TLE6: variants seen among roughly 807,000 people sequenced by gnomAD.
TLE6 encodes TLE family member 6, subcortical maternal complex member, also known as transducin-like enhancer protein 6.
A neutral mutation model predicts 77.1 loss-of-function variants in TLE6; 72 were observed. That is an observed-to-expected ratio of 0.93 (90% CI 0.77 to 1.14). The LOEUF is 1.14. Among genes scored for constraint, TLE6 ranks in the 50% most tolerant of loss-of-function variants. TLE6 has a pLI of 0.00. For missense variants in TLE6, 843 were observed against 747.6 expected, an observed-to-expected ratio of 1.13 and a Z score of -1.49; for synonymous variants, 366 against 287.3, an observed-to-expected ratio of 1.27 and a Z score of -2.77.
chr19:2,986,798 T>C (rs376586795), intron 5 of TLE6, 31 bp from the exon 6 acceptor site: 4 of 1,549,834 alleles, frequency 2.6e-6, no homozygotes, highest in Non-Finnish European at 3.5e-6. Context: ...TGCAACAACA[T>C]TTAACTGTTT....
intron 4 of TLE6, among the ~76,000 whole-genome samples, chr19:2,981,855 C>A (rs1012952844): frequency 2.0e-5 from 3 of 151,918 alleles, no homozygotes; most frequent in Admixed American, 6.6e-5. Context: ...GCCTGTACTC[C>A]CAGCTACTCG....
In TLE6 at chr19:2,990,226, A is replaced by T. The variant is rs550257743; in HGVS notation, c.1244+441A>T. ...TTAACCTGGGTAATGAATAAAACGAATTTATTCTATTTTTATTAAATAGAA... is the reference window on the plus strand; with the variant it reads ...TTAACCTGGGTAATGAATAAAACGATTTTATTCTATTTTTATTAAATAGAA... On this transcript the variant is annotated intron_variant, in intron 13 of 16. Coordinates refer to ENST00000246112, the MANE Select transcript of TLE6 (RefSeq NM_001143986.2). Among the ~76,000 whole-genome samples, 21 of 152,184 alleles carry T rather than the reference A, an allele frequency of 1.4e-4. No homozygotes were observed. The South Asian group carries it at 2.3e-3, about 17-fold the overall frequency.
Position 2,993,996 on chromosome 19 carries a change from C to A in TLE6, c.1538-23C>A. On this transcript the variant is annotated intron_variant, in intron 15 of 16. Coordinates refer to ENST00000246112, the MANE Select transcript of TLE6 (RefSeq NM_001143986.2). ...GGAAAAAGGTAGTGGTTCTAAGTCT[C>A]GCTGATGCTCCATTTCTCCCAGGCC... is the stretch of plus-strand genomic sequence containing the variant. The A allele has an allele frequency of 1.9e-6, 3 of 1,586,408 alleles. No individual in the cohort carries two copies. In the East Asian group the frequency reaches 6.8e-5, roughly 36 times the overall value.
chr19:2,987,487 C>T, intron 8 of TLE6, 115 bp downstream of exon 8: 7 of 1,481,162 alleles, frequency 4.7e-6, no homozygotes, highest in Non-Finnish European at 5.6e-6. Context: ...CCATCCTGCC[C>T]CTCGGGTCCC....
At position 2,987,105 on chromosome 19, in the gene TLE6, G is replaced by A. The variant is rs368460177; in HGVS notation, c.408G>A (p.Leu136=). 2.5e-5 allele frequency: 40 copies of A among 1,614,000 alleles called. No homozygotes were observed. Among genetic ancestry groups the A allele is most frequent in the African/African-American group, 9.3e-5 (7 of 74,942 alleles). The change falls in exon 7 of 17, where the codon TTG becomes TTA. Residue 136 remains leucine (L), a synonymous_variant. Transcript: ENST00000246112. The part of the protein sequence containing the change: ...TRSSDWLRRP[L]GEDNQPETQL... ...CCTCCGACTGGCTCCGGCGGCCTTTGGGGGAGGACAATCAGCCGGAGACCC... is the reference window on the plus strand; with the variant it reads ...CCTCCGACTGGCTCCGGCGGCCTTTAGGGGAGGACAATCAGCCGGAGACCC...
chr19:2,977,730 G>A (rs1384872658), intron 1 of TLE6, 120 bp downstream of exon 1: 1 of 155,474 alleles, frequency 6.4e-6, no homozygotes, highest in Non-Finnish European at 1.4e-5. Flanking sequence ...GAAGCTGGGT[G>A]CTGCAGCAGG....
chr19:2,988,397 A>C (rs958423578), intron 11 of TLE6, among the ~76,000 whole-genome samples: 3 of 151,996 alleles, frequency 2.0e-5, no homozygotes, highest in Admixed American at 6.6e-5. Flanking sequence ...GAGATTGAGA[A>C]CATCCTGGGT....
chr19:2,979,859 G>A (rs1167874910), intron 2 of TLE6, among the ~76,000 whole-genome samples: 4 of 151,582 alleles, frequency 2.6e-5, no homozygotes, highest in Non-Finnish European at 5.9e-5. Context: ...AGCTACTCGG[G>A]AGGCTGAGGC....
At position 2,987,191 on chromosome 19, in the gene TLE6, G is replaced by A. The variant is rs751721273; in HGVS notation, c.494G>A (p.Arg165Gln). 45 of 1,613,988 alleles carry A rather than the reference G, an allele frequency of 2.8e-5. No homozygotes were observed. Among genetic ancestry groups the A allele is most frequent in the East Asian group, 6.7e-5 (3 of 44,898 alleles). The change falls in exon 7 of 17, where the codon CGG becomes CAG. Residue 165 changes from arginine to glutamine, a missense_variant. By Grantham distance (43) the Arg-to-Gln change is conservative. Transcript: ENST00000246112. ...GACACTCTGACCGAGCAACTCTGGC[G>A]GATTTTTGCCGGCGTCCACGATGAG... is the stretch of plus-strand genomic sequence containing the variant. ...WHDTLTEQLWRIFAGVHDEKA... is the reference protein window; with the variant it reads ...WHDTLTEQLWQIFAGVHDEKA...
chr19:2,993,651 G>A, intron 15 of TLE6, 69 bp downstream of exon 15: 1 of 1,498,408 alleles, frequency 6.7e-7, no homozygotes, highest in South Asian at 1.3e-5. Context: ...CCCACCTAAT[G>A]CCAGCTCCCC....
At chr19:2,991,393 TATACACACACACACAC>T (rs1473264740) in intron 13 of TLE6, among the ~76,000 whole-genome samples, 2 of 110,058 alleles carry the variant, frequency 1.8e-5, no homozygotes, top group Non-Finnish European at 3.6e-5. Flanking sequence ...TATATATATA[TATACACACACACACAC>T]ACACACACAC....
At position 2,989,918 on chromosome 19, in the gene TLE6, A is replaced by C. The variant is rs2089007288; in HGVS notation, c.1244+133A>C. 1.3e-5 allele frequency: 17 copies of C among 1,267,826 alleles called. No homozygotes were observed. The South Asian group carries it at 2.0e-4, about 15-fold the overall frequency. 78.5% of individuals were successfully genotyped at this position (1,267,826 alleles called of 1,614,324 possible). A position where few individuals can be genotyped will look rare whatever the true frequency, so the allele number is the denominator to read the frequency against. On this transcript the variant is annotated intron_variant, in intron 13 of 16. Coordinates refer to ENST00000246112, the MANE Select transcript of TLE6 (RefSeq NM_001143986.2). ...CCTGGGATATAGCACTCTCCCAGCC[A>C]AAACCCCTTGCCCCCTTGAACTTGG...
intron 1 of TLE6, among the ~76,000 whole-genome samples, chr19:2,977,971 T>G (rs920880322): frequency 5.9e-5 from 9 of 151,930 alleles, no homozygotes; most frequent in African/African-American, 1.9e-4. Context: ...GGGTGAGGCC[T>G]GGGAGGCAAG....
chr19:2,978,625 G>C (rs116715470), intron 2 of TLE6, among the ~76,000 whole-genome samples: 1 of 152,068 alleles, frequency 6.6e-6, no homozygotes, highest in Non-Finnish European at 1.5e-5. Flanking sequence ...GCCTAGTGAC[G>C]TGGGCCTGTA....
At chr19:2,982,073 G>T (rs4807383) in intron 4 of TLE6, 75 bp from the exon 5 acceptor site, 1 of 1,486,472 alleles carries the variant, frequency 6.7e-7, no homozygotes, top group South Asian at 1.2e-5. Flanking sequence ...CAGAGAGGTA[G>T]AGCAGCTTGC....
intron 5 of TLE6, among the ~76,000 whole-genome samples, chr19:2,983,096 A>G (rs976156332): frequency 6.6e-5 from 10 of 152,008 alleles, no homozygotes; most frequent in African/African-American, 2.4e-4. Context: ...GCCAGATGTA[A>G]CTGGCAGGGG....
rs1599151859 is a variant in TLE6, at chr19:2,982,034, A to T, written c.181-114A>T. The T allele has an allele frequency of 3.1e-5, 34 of 1,101,016 alleles. 1 individual carries two copies. The East Asian group carries it at 8.6e-4, about 28-fold the overall frequency. The allele number at this position is 1,101,016 out of a possible 1,614,324, so 68.2% of individuals were successfully genotyped here. A position where few individuals can be genotyped will look rare whatever the true frequency, so the allele number is the denominator to read the frequency against. On this transcript the variant is annotated intron_variant, in intron 4 of 16. Coordinates refer to ENST00000246112, the MANE Select transcript of TLE6 (RefSeq NM_001143986.2). Reference sequence around the variant, plus strand: ...AAGTAAAAGAGAAAACAAGGTGAAAACAAAAATTTAAGGTGGGGGAGTAGG... The same window carrying T: ...AAGTAAAAGAGAAAACAAGGTGAAATCAAAAATTTAAGGTGGGGGAGTAGG...
At chr19:2,988,898 G>C in intron 11 of TLE6, 163 bp from the exon 12 acceptor site, 1 of 1,015,910 alleles carries the variant, frequency 9.8e-7, no homozygotes, top group Non-Finnish European at 1.4e-6. Context: ...AATACTTGAA[G>C]GAATATGAGC....
At position 2,994,113 on chromosome 19, in the gene TLE6, G is replaced by T. The variant is rs759192632; in HGVS notation, c.1614+18G>T. The T allele has an allele frequency of 6.3e-7, 1 of 1,590,824 alleles. No individual in the cohort carries two copies. Among genetic ancestry groups the T allele is most frequent in the South Asian group, 1.1e-5 (1 of 87,728 alleles). On this transcript the variant is annotated intron_variant, in intron 16 of 16. Coordinates refer to ENST00000246112, the MANE Select transcript of TLE6 (RefSeq NM_001143986.2). ...TGTTCGAGGTACTGCGGTGGGCTGG[G>T]GGCAGGACCCGGGGGTGGCCCCAAA...
Sources: gnomAD v4.1 joint callset for allele counts (sites outside exome capture counted in the v4.1 genomes callset) on GRCh38, gnomAD v4.1.1 for gene constraint, MANE v1.5 for transcripts, NCBI Gene and HGNC (gene_info 2026-07-23, HGNC 2026-07-21) for gene names.